Variants in ZBTB16 observed in about 807,000 individuals in gnomAD.
ZBTB16 encodes the protein zinc finger and BTB domain containing 16, also known as zinc finger and BTB domain-containing protein 16.
ZBTB16 carries 8 observed loss-of-function variants against 56.8 expected under a neutral mutation model. The ratio of observed to expected loss-of-function variants is 0.14; its 90% CI spans 0.08 to 0.25. The LOEUF is 0.25. Among genes scored for constraint, ZBTB16 ranks in the 10% least tolerant of loss-of-function variants. The pLI, the probability that ZBTB16 is intolerant of heterozygous loss-of-function variation, is 1.00. For synonymous variants in ZBTB16, 363 were observed against 368.5 expected (o/e 0.98, Z 0.17); for missense variants, 625 against 903.0 (o/e 0.69, Z 3.95).
At chr11:114,078,355 G>A (rs181505787) in intron 2 of ZBTB16, among the ~76,000 whole-genome samples, 24 of 152,304 alleles carry the variant, frequency 1.6e-4, no homozygotes, top group Admixed American at 6.5e-4. Flanking sequence ...AGCAATTGAT[G>A]CTCAGAAAAA....
At chr11:114,201,933 CTG>C (rs1433026260) in intron 4 of ZBTB16, among the ~76,000 whole-genome samples, 16 of 152,268 alleles carry the variant, frequency 1.1e-4, no homozygotes, top group African/African-American at 3.9e-4. Context: ...AAGTCTCATT[CTG>C]TGTATGGAAG....
At chr11:114,144,952 G>A (rs1246511373) in intron 2 of ZBTB16, among the ~76,000 whole-genome samples, 1 of 152,206 alleles carries the variant, frequency 6.6e-6, no homozygotes, top group African/African-American at 2.4e-5. Flanking sequence ...CCCACTTTGA[G>A]CTGTCTGGTG....
Position 114,251,944 on chromosome 11 carries a change from G to A in ZBTB16, c.*1389G>A, listed in dbSNP as rs1944926245. The stretch of plus-strand genomic sequence containing the variant: ...TTTTCGGTTGGGGCTTGGAGGAATG[G>A]GGAGGGTGTTCTTTTCTGTTTCTTG... On this transcript the variant is annotated 3_prime_UTR_variant, in exon 7 of 7. Transcript: ENST00000335953. 6.6e-6 allele frequency among the ~76,000 whole-genome samples: 1 copy of A among 152,180 alleles called. No homozygotes were observed. Among genetic ancestry groups the A allele is most frequent in the African/African-American group, 2.4e-5 (1 of 41,424 alleles).
chr11:114,123,359 C>G (rs1476317580), intron 2 of ZBTB16, among the ~76,000 whole-genome samples: 1 of 152,176 alleles, frequency 6.6e-6, no homozygotes, highest in South Asian at 2.1e-4. Context: ...GCTGAATACC[C>G]TGCCAAGACA....
rs1555144001 is a variant in ZBTB16, at chr11:114,148,469, C to CTT, written c.1269-7867_1269-7866insTT. On this transcript the variant is annotated intron_variant, in intron 2 of 6. Transcript: ENST00000335953. ...TCTCTGTCTGTCTGTCTCTCTCTCT[C>CTT]TCTTTCTTTCTTTCTTTCTTTCTTT... 9.0e-4 allele frequency among the ~76,000 whole-genome samples: 55 copies of CTT among 60,966 alleles called. 8 individuals carry two copies. Among genetic ancestry groups the CTT allele is most frequent in the African/African-American group, 2.4e-3 (45 of 18,410 alleles). The allele number at this position is 60,966 out of a possible 152,430, so 40.0% of individuals were successfully genotyped here. A position where few individuals can be genotyped will look rare whatever the true frequency, so the allele number is the denominator to read the frequency against.
intron 4 of ZBTB16, among the ~76,000 whole-genome samples, chr11:114,232,814 A>C (rs1356016175): frequency 6.6e-6 from 1 of 151,632 alleles, no homozygotes; most frequent in Non-Finnish European, 1.5e-5. Flanking sequence ...TCTGCCTCCC[A>C]CCCCCATGTG....
At chr11:114,150,077 C>T (rs779095506) in intron 2 of ZBTB16, among the ~76,000 whole-genome samples, 1 of 152,188 alleles carries the variant, frequency 6.6e-6, no homozygotes, top group African/African-American at 2.4e-5. Context: ...AGTCTTGAAT[C>T]TTGAACTTAA....
intron 3 of ZBTB16, among the ~76,000 whole-genome samples, chr11:114,170,849 T>C (rs645546): frequency 5.3e-5 from 8 of 152,238 alleles, no homozygotes; most frequent in Non-Finnish European, 1.2e-4. Flanking sequence ...TCTGAAACTT[T>C]GGATTTGCTG....
At chr11:114,105,580 G>A (rs1024915690) in intron 2 of ZBTB16, among the ~76,000 whole-genome samples, 5 of 152,110 alleles carry the variant, frequency 3.3e-5, no homozygotes, top group African/African-American at 9.7e-5. Context: ...CTGCTTTTTG[G>A]TGGAGGTAAC....
chr11:114,188,786 A>G (rs1231848858), intron 4 of ZBTB16: 1 of 152,214 alleles, frequency 6.6e-6, no homozygotes, highest in Non-Finnish European at 1.5e-5. Context: ...CTACTGGAAA[A>G]GGATAAGGAG....
At chr11:114,139,279 AG>A (rs1323870231) in intron 2 of ZBTB16, among the ~76,000 whole-genome samples, 2 of 152,140 alleles carry the variant, frequency 1.3e-5, no homozygotes, top group Non-Finnish European at 2.9e-5. Flanking sequence ...ACTGATCCCC[AG>A]TCCTGAAGGG....
intron 2 of ZBTB16, among the ~76,000 whole-genome samples, chr11:114,146,866 A>C (rs1376757711): frequency 5.7e-5 from 8 of 140,006 alleles, no homozygotes; most frequent in Admixed American, 4.3e-4. Context: ...AAAAAAAAAA[A>C]CCAAAACCTG....
intron 2 of ZBTB16, among the ~76,000 whole-genome samples, chr11:114,066,429 C>T (rs1939120515): frequency 6.6e-6 from 1 of 152,162 alleles, no homozygotes; most frequent in Non-Finnish European, 1.5e-5. Context: ...AAGAGGAAAC[C>T]CGCTCCCCAA....
chr11:114,070,321 G>T, intron 2 of ZBTB16, among the ~76,000 whole-genome samples: 1 of 150,988 alleles, frequency 6.6e-6, no homozygotes, highest in African/African-American at 2.4e-5. Flanking sequence ...TGTTAGCCAG[G>T]ATGGTCTCGA....
At chr11:114,081,416 C>CT (rs11409741) in intron 2 of ZBTB16, among the ~76,000 whole-genome samples, 65,628 of 151,978 alleles carry the variant, frequency 0.43, 15,134 homozygotes, top group African/African-American at 0.57. Flanking sequence ...ATGTTGATAT[C>CT]TATGACAGAG....
At chr11:114,157,397 T>G (rs117839040) in intron 3 of ZBTB16, among the ~76,000 whole-genome samples, 1,743 of 152,330 alleles carry the variant, frequency 0.011, 13 homozygotes, top group Non-Finnish European at 0.017. Context: ...ACTTACATAA[T>G]TTTTTGGAGG....
chr11:114,083,100 C>T (rs1382243945), intron 2 of ZBTB16, among the ~76,000 whole-genome samples: 1 of 152,208 alleles, frequency 6.6e-6, no homozygotes, highest in Non-Finnish European at 1.5e-5. Context: ...CGTTCCAGGG[C>T]CCCTCGCTGG....
At chr11:114,246,896 T>G (rs1033367115) in intron 5 of ZBTB16, 2 of 444,438 alleles carry the variant, frequency 4.5e-6, no homozygotes, top group East Asian at 4.4e-5. Context: ...TGAGGTCTCA[T>G]GTATCCACAA....
At chr11:114,138,616 C>T (rs1344724433) in intron 2 of ZBTB16, among the ~76,000 whole-genome samples, 3 of 152,104 alleles carry the variant, frequency 2.0e-5, no homozygotes, top group African/African-American at 7.2e-5. Flanking sequence ...ATTTAGTAGG[C>T]AATAAGTTTG....
Sources: allele counts gnomAD v4.1 joint callset (sites outside exome capture counted in the v4.1 genomes callset), GRCh38; gene constraint gnomAD v4.1.1; transcripts MANE v1.5; gene names NCBI Gene and HGNC (gene_info 2026-07-23, HGNC 2026-07-21).